FNDC3B: variants seen among roughly 807,000 people sequenced by gnomAD.
FNDC3B encodes the protein fibronectin type III domain-containing protein 3B.
In FNDC3B, 12 loss-of-function variants were observed where a neutral mutation model predicts 151.5. The ratio of observed to expected loss-of-function variants is 0.08; its 90% confidence interval spans 0.05 to 0.13. FNDC3B has a LOEUF of 0.13. Ranked by LOEUF, FNDC3B falls within the 10% of genes least tolerant of loss-of-function variation. FNDC3B has a pLI of 1.00. For missense variants in FNDC3B, 1,214 were observed against 1,505.3 expected, an observed-to-expected ratio of 0.81 and a Z score of 3.20; for synonymous variants, 528 against 549.0, an observed-to-expected ratio of 0.96 and a Z score of 0.54.
intron 1 of FNDC3B, 28 bp from the exon 2 acceptor site, chr3:172,112,423 CT>C: frequency 7.9e-7 from 1 of 1,257,934 alleles, no homozygotes; most frequent in Admixed American, 1.7e-5. Context: ...GTTCTGAGTC[CT>C]TTTTAAAAAG....
intron 11 of FNDC3B, among the ~76,000 whole-genome samples, chr3:172,319,131 T>C (rs1731958169): frequency 6.6e-6 from 1 of 152,218 alleles, no homozygotes; most frequent in African/African-American, 2.4e-5. Flanking sequence ...GGCTAAATTA[T>C]AAATCTCCTC....
chr3:172,223,618 A>G (rs1349295285), intron 3 of FNDC3B, among the ~76,000 whole-genome samples: 1 of 152,218 alleles, frequency 6.6e-6, no homozygotes, highest in Non-Finnish European at 1.5e-5. Context: ...GCAATACTTT[A>G]TTGAGATGGT....
At chr3:172,137,875 C>G (rs1424151361) in intron 3 of FNDC3B, among the ~76,000 whole-genome samples, 1 of 152,142 alleles carries the variant, frequency 6.6e-6, no homozygotes, top group Non-Finnish European at 1.5e-5. Context: ...TTTATTTTCT[C>G]TTGGCCAGAT....
intron 19 of FNDC3B, 24 bp from the exon 20 acceptor site, chr3:172,346,303 G>T: frequency 7.4e-7 from 1 of 1,354,880 alleles, no homozygotes; most frequent in Admixed American, 1.7e-5. Context: ...ATACATACGT[G>T]TGTGTGCGTG....
intron 6 of FNDC3B, among the ~76,000 whole-genome samples, chr3:172,263,589 T>G (rs1394557427): frequency 8.1e-5 from 3 of 37,172 alleles, no homozygotes; most frequent in African/African-American, 3.4e-4. Flanking sequence ...ATCAAGTGTT[T>G]TTTTTTTTTT....
chr3:172,268,101 A>C (rs1200782687), intron 6 of FNDC3B, among the ~76,000 whole-genome samples: 1 of 152,174 alleles, frequency 6.6e-6, no homozygotes, highest in Non-Finnish European at 1.5e-5. Flanking sequence ...GTTTTGCCTA[A>C]ATTGAAAAGA....
At chr3:172,165,152 T>A (rs1722949127) in intron 3 of FNDC3B, among the ~76,000 whole-genome samples, 1 of 152,170 alleles carries the variant, frequency 6.6e-6, no homozygotes, top group Admixed American at 6.5e-5. Flanking sequence ...TAGCTGGGAC[T>A]ACAGGCATGC....
intron 3 of FNDC3B, among the ~76,000 whole-genome samples, chr3:172,141,361 C>T (rs1038610578): frequency 1.3e-5 from 2 of 152,156 alleles, no homozygotes; most frequent in African/African-American, 4.8e-5. Flanking sequence ...ACAATGGGTC[C>T]AGTGTTCCAT....
At position 172,058,617 on chromosome 3, in the gene FNDC3B, A is replaced by G. The variant is rs142490582; in HGVS notation, c.-29+18846A>G. Among the ~76,000 whole-genome samples, 243 of 152,272 alleles carry G rather than the reference A, an allele frequency of 1.6e-3. 3 individuals are homozygous for G. Among genetic ancestry groups the G allele is most frequent in the African/African-American group, 5.6e-3 (231 of 41,556 alleles). On this transcript the variant is annotated intron_variant, in intron 1 of 25. Coordinates refer to ENST00000415807, the MANE Select transcript of FNDC3B (RefSeq NM_022763.4). Reference sequence around the variant, plus strand: ...TTCATTCTAAGATACTCAATATCACATTTTCCCATGAAATACATAATGAGA... The same window carrying G: ...TTCATTCTAAGATACTCAATATCACGTTTTCCCATGAAATACATAATGAGA...
In FNDC3B at chr3:172,251,466, G is replaced by A. The variant is rs766722887; in HGVS notation, c.715G>A (p.Gly239Ser). The A allele has an allele frequency of 2.4e-5, 38 of 1,613,970 alleles. No homozygotes were observed. The highest frequency in any genetic ancestry group is 2.6e-5 in the Non-Finnish European group (31 of 1,180,020). ...TGGTGGAAGTGGCGGAGGCGGCAGC[G>A]GTAGTGGTCCCGGAATTAAGAAAAC... ...HSGGSGGGGS[G>S]SGPGIKKTER... The change falls in exon 6 of 26, where the codon GGT (glycine) becomes AGT (serine). Residue 239 changes from glycine to serine, a missense_variant. Gly to Ser is a moderately conservative substitution (Grantham distance 56, BLOSUM62 0). This residue lies in a region of FNDC3B where 166 missense variants were observed against 173.2 expected (regional missense o/e 0.96). Coordinates refer to ENST00000415807, the MANE Select transcript of FNDC3B (RefSeq NM_022763.4).
chr3:172,235,668 T>G (rs1576824987), intron 4 of FNDC3B, among the ~76,000 whole-genome samples: 2 of 152,244 alleles, frequency 1.3e-5, no homozygotes, highest in African/African-American at 4.8e-5. Context: ...ATATTCTAAC[T>G]TCAGACTTTG....
At chr3:172,078,087 T>A (rs1181822122) in intron 1 of FNDC3B, among the ~76,000 whole-genome samples, 1 of 152,112 alleles carries the variant, frequency 6.6e-6, no homozygotes, top group Non-Finnish European at 1.5e-5. Context: ...ATCAAGCGAT[T>A]CTCCCGCCTC....
intron 1 of FNDC3B, among the ~76,000 whole-genome samples, chr3:172,060,353 G>C (rs765560486): frequency 6.6e-6 from 1 of 152,176 alleles, no homozygotes; most frequent in Non-Finnish European, 1.5e-5. Context: ...GGTGGTGGTG[G>C]GCAGAGGGTA....
rs143571012 is a variant in FNDC3B at position 172,219,586 on chromosome 3, C to A, written c.188-7285C>A. On this transcript the variant is annotated intron_variant, in intron 3 of 25. Coordinates refer to ENST00000415807, the MANE Select transcript of FNDC3B (RefSeq NM_022763.4). Reference sequence around the variant, plus strand: ...TTTTTCATCACCCCAAAAAGCTGTACCCATTGAGCGGATGCTCCTCAGTCC... The same window carrying A: ...TTTTTCATCACCCCAAAAAGCTGTAACCATTGAGCGGATGCTCCTCAGTCC... Among the ~76,000 whole-genome samples the A allele has an allele frequency of 6.6e-5, 10 of 152,328 alleles. No individual in the cohort carries two copies. In the East Asian group the frequency reaches 1.9e-3, roughly 29 times the overall value.
At chr3:172,222,348 G>C (rs1421132603) in intron 3 of FNDC3B, among the ~76,000 whole-genome samples, 2 of 152,282 alleles carry the variant, frequency 1.3e-5, no homozygotes, top group East Asian at 3.9e-4. Context: ...TTTAAATGAT[G>C]ATTTGTACCC....
chr3:172,181,760 C>T (rs1723918299), intron 3 of FNDC3B, among the ~76,000 whole-genome samples: 2 of 136,448 alleles, frequency 1.5e-5, no homozygotes, highest in Admixed American at 8.8e-5. Context: ...ACCCAGGAAG[C>T]AGAGGTTGCA....
At chr3:172,077,430 C>T (rs1718068031) in intron 1 of FNDC3B, among the ~76,000 whole-genome samples, 1 of 152,218 alleles carries the variant, frequency 6.6e-6, no homozygotes, top group Non-Finnish European at 1.5e-5. Context: ...TTGCATTGAT[C>T]CAGCGGTGTG....
Position 172,347,293 on chromosome 3 carries a change from C to G in FNDC3B, c.2446C>G (p.His816Asp), listed in dbSNP as rs749929106. The change falls in exon 21 of 26, where the codon CAT becomes GAT. Residue 816 changes from histidine (H) to aspartate (D), a missense_variant. By Grantham distance (81) the His-to-Asp change is moderately conservative. Coordinates refer to ENST00000415807, the MANE Select transcript of FNDC3B (RefSeq NM_022763.4). The part of the protein sequence containing the change: ...EDEESLELIY[H>D]GTDTRFEIRD... ...TGAAGAATCCTTAGAACTCATTTATCATGGGACAGACACCCGTTTTGAAAT... is the reference window on the plus strand; with the variant it reads ...TGAAGAATCCTTAGAACTCATTTATGATGGGACAGACACCCGTTTTGAAAT... 1 of 1,613,992 alleles carries G rather than the reference C, an allele frequency of 6.2e-7. No homozygotes were observed. Among genetic ancestry groups the G allele is most frequent in the Non-Finnish European group, 8.5e-7 (1 of 1,179,934 alleles).
intron 1 of FNDC3B, among the ~76,000 whole-genome samples, chr3:172,100,276 C>G (rs906285893): frequency 3.3e-5 from 5 of 152,160 alleles, no homozygotes; most frequent in African/African-American, 1.2e-4. Context: ...TAGCTGCTTA[C>G]TTTTTCTTAA....
Sources: gnomAD v4.1 joint callset for allele counts (sites outside exome capture counted in the v4.1 genomes callset) on GRCh38, gnomAD v4.1.1 for gene constraint, gnomAD v4.1.1 regional missense constraint, MANE v1.5 for transcripts, NCBI Gene and HGNC (gene_info 2026-07-23, HGNC 2026-07-21) for gene names.